The following ADRA1B variants were observed in gnomAD, a reference collection of about 807,000 sequenced individuals.
The protein encoded by ADRA1B is alpha-1B adrenergic receptor.
Under a neutral mutation model 17.9 loss-of-function variants are expected in ADRA1B, and 17 were observed. The observed-to-expected ratio is 0.95, with a 90% CI of 0.65 to 1.42. The LOEUF is 1.42. Ranked by LOEUF, ADRA1B falls within the 40% of genes most tolerant of loss-of-function variation. ADRA1B has a pLI of 0.00. For synonymous variants in ADRA1B, 366 were observed against 327.6 expected (o/e 1.12, Z -1.27); for missense variants, 681 against 722.1 (o/e 0.94, Z 0.65).
intron 1 of ADRA1B, among the ~76,000 whole-genome samples, chr5:159,969,750 T>C (rs1327880994): frequency 1.3e-5 from 2 of 152,242 alleles, no homozygotes; most frequent in Non-Finnish European, 1.5e-5. Context: ...CAAAATGTTC[T>C]AGAAAGTATT....
rs534675418 is a variant in ADRA1B at position 159,968,850 on chromosome 5, G to T, written c.950-3029G>T. ...CTGCCTTGGCATCCCAAAACGCTGGGATTACAGACTTGAACCACCATGTCT... is the reference window on the plus strand; with the variant it reads ...CTGCCTTGGCATCCCAAAACGCTGGTATTACAGACTTGAACCACCATGTCT... On this transcript the variant is annotated intron_variant, in intron 1 of 1. Coordinates refer to ENST00000306675, the MANE Select transcript of ADRA1B (RefSeq NM_000679.4). 9.9e-5 allele frequency among the ~76,000 whole-genome samples: 15 copies of T among 152,274 alleles called. No individual in the cohort carries two copies. In the South Asian group the frequency reaches 2.9e-3, roughly 29 times the overall value.
chr5:159,901,652 C>T (rs1754102534), intron 1 of ADRA1B, among the ~76,000 whole-genome samples: 1 of 152,108 alleles, frequency 6.6e-6, no homozygotes, highest in Non-Finnish European at 1.5e-5. Flanking sequence ...GAAGTAGATG[C>T]TCAAAGAATG....
chr5:159,951,382 G>T, intron 1 of ADRA1B: 2 of 917,126 alleles, frequency 2.2e-6, no homozygotes, highest in Non-Finnish European at 3.6e-6. Flanking sequence ...ATGTAGTTGA[G>T]GTCAATGAAG....
chr5:159,982,871 T>A, the ADRA1B span, among the ~76,000 whole-genome samples: 4 of 152,156 alleles, frequency 2.6e-5, no homozygotes, highest in African/African-American at 7.2e-5. Flanking sequence ...GAAATATGAA[T>A]GAATATCACA....
intron 1 of ADRA1B, among the ~76,000 whole-genome samples, chr5:159,946,491 C>G (rs551439880): frequency 1.3e-5 from 2 of 152,316 alleles, no homozygotes; most frequent in African/African-American, 4.8e-5. Flanking sequence ...ATTTCTCCTT[C>G]CAGTCCATCT....
chr5:159,875,129 A>G (rs528614528), intron 1 of ADRA1B, among the ~76,000 whole-genome samples: 1 of 152,264 alleles, frequency 6.6e-6, no homozygotes, highest in East Asian at 1.9e-4. Flanking sequence ...TGGCATTTAG[A>G]TAAGAGAAGG....
intron 1 of ADRA1B, among the ~76,000 whole-genome samples, chr5:159,922,708 CCTT>C (rs772655163): frequency 7.6e-5 from 10 of 132,254 alleles, no homozygotes; most frequent in Non-Finnish European, 1.4e-4. Flanking sequence ...GGGACCTTGC[CCTT>C]CTAGTGATGT....
chr5:159,971,634 T>C (rs1303971254), intron 1 of ADRA1B, among the ~76,000 whole-genome samples: 1 of 152,152 alleles, frequency 6.6e-6, no homozygotes, highest in Non-Finnish European at 1.5e-5. Context: ...GCTGTTTAAC[T>C]AGATCAAGAA....
Position 159,917,775 on chromosome 5 carries a change from G to T in ADRA1B, c.870G>T (p.Lys290Asn). Residue 290 changes from lysine to asparagine, a missense_variant, in exon 1 of 2, where the codon AAG becomes AAT. Lys to Asn is a moderately conservative substitution (Grantham distance 94). Around this residue, in one of 3 missense-constraint regions of ADRA1B, gnomAD observed 424 missense variants for 480.2 expected, o/e 0.88. Transcript: ENST00000306675. ...AVKLFKFSRE[K>N]KAAKTLGIVV... ...AACTTTTTAAGTTCTCCAGGGAAAA[G>T]AAAGCAGCTAAGACGTTGGGCATTG... The T allele has an allele frequency of 6.2e-7, 1 of 1,614,064 alleles. No homozygotes were observed. The highest frequency in any genetic ancestry group is 8.5e-7 in the Non-Finnish European group (1 of 1,180,038).
At chr5:159,886,922 A>G (rs572433359) in intron 1 of ADRA1B, among the ~76,000 whole-genome samples, 1 of 152,280 alleles carries the variant, frequency 6.6e-6, no homozygotes, top group Non-Finnish European at 1.5e-5. Context: ...AGATATGATG[A>G]GTATAGTATC....
rs552107079 is a variant in ADRA1B, at chr5:159,882,633, A to G, written c.-256+17427A>G. 4.6e-5 allele frequency among the ~76,000 whole-genome samples: 7 copies of G among 152,184 alleles called. No homozygotes were observed. In the South Asian group the frequency reaches 1.5e-3, roughly 32 times the overall value. The stretch of plus-strand genomic sequence containing the variant: ...TTCCACCTGCAGCAAAGCGTCAGGC[A>G]TTCACTATTGACATGTTTCCATCAC... On this transcript the variant is annotated intron_variant, in intron 1 of 2. Transcript: ENST00000641205.
the ADRA1B span, among the ~76,000 whole-genome samples, chr5:159,979,893 TAG>T: frequency 6.9e-6 from 1 of 145,504 alleles, no homozygotes; most frequent in African/African-American, 2.5e-5. Flanking sequence ...TGTGGCCAAG[TAG>T]AGAGGGCAAG....
At chr5:159,920,093 A>G (rs1316967741) in intron 1 of ADRA1B, among the ~76,000 whole-genome samples, 1 of 152,202 alleles carries the variant, frequency 6.6e-6, no homozygotes, top group Non-Finnish European at 1.5e-5. Flanking sequence ...AACCCCCAGC[A>G]AATAGGATTC....
intron 1 of ADRA1B, among the ~76,000 whole-genome samples, chr5:159,919,350 C>T (rs1298036475): frequency 1.3e-5 from 2 of 152,212 alleles, no homozygotes; most frequent in African/African-American, 4.8e-5. Context: ...TGACAGTTCA[C>T]ACTGCATTGG....
intron 1 of ADRA1B, among the ~76,000 whole-genome samples, chr5:159,923,458 C>T (rs756518456): frequency 2.8e-4 from 43 of 152,272 alleles, no homozygotes; most frequent in South Asian, 2.7e-3. Context: ...GGGTTGGTGA[C>T]GGCATAAGAG....
At chr5:159,920,104 A>T (rs1754439587) in intron 1 of ADRA1B, among the ~76,000 whole-genome samples, 1 of 152,234 alleles carries the variant, frequency 6.6e-6, no homozygotes, top group Non-Finnish European at 1.5e-5. Flanking sequence ...AATAGGATTC[A>T]GTAAGTCAGA....
At chr5:159,969,099 GGT>G (rs1755823161) in intron 1 of ADRA1B, among the ~76,000 whole-genome samples, 1 of 152,184 alleles carries the variant, frequency 6.6e-6, no homozygotes, top group South Asian at 2.1e-4. Flanking sequence ...CAAATCTAAT[GGT>G]GTGAGTCTTG....
chr5:159,976,280 C>T (rs935773375), downstream of ADRA1B, among the ~76,000 whole-genome samples: 2 of 152,258 alleles, frequency 1.3e-5, no homozygotes, highest in South Asian at 2.1e-4. Flanking sequence ...CAAAACAATT[C>T]AGGTTTTTTT....
chr5:159,978,799 T>C, the ADRA1B span, among the ~76,000 whole-genome samples: 2 of 152,216 alleles, frequency 1.3e-5, no homozygotes, highest in Non-Finnish European at 2.9e-5. Flanking sequence ...GTGAATGCTC[T>C]CAAATATTGT....
Sources: gnomAD v4.1 joint callset for allele counts (sites outside exome capture counted in the v4.1 genomes callset) on GRCh38, gnomAD v4.1.1 for gene constraint, gnomAD v4.1.1 regional missense constraint, MANE v1.5 for transcripts, NCBI Gene and HGNC (gene_info 2026-07-23, HGNC 2026-07-21) for gene names.